INTU: variants seen among roughly 807,000 people sequenced by gnomAD.
INTU encodes the protein inturned planar cell polarity protein, also known as protein inturned.
A neutral mutation model predicts 100.5 loss-of-function variants in INTU; 68 were observed. The observed-to-expected ratio is 0.68, with a 90% confidence interval of 0.56 to 0.83. The LOEUF (loss-of-function observed/expected upper bound fraction) is 0.83, where lower values mean the gene tolerates loss of function less well. INTU is among the 40% of genes least tolerant of loss of function. The pLI, the probability that INTU is intolerant of heterozygous loss-of-function variation, is 0.00. For synonymous variants in INTU, 357 were observed against 395.7 expected (o/e 0.90, Z 1.16); for missense variants, 1,071 against 1,114.7 (o/e 0.96, Z 0.56).
intron 3 of INTU, among the ~76,000 whole-genome samples, chr4:127,661,568 G>A (rs1461685494): frequency 1.3e-5 from 2 of 151,974 alleles, no homozygotes; most frequent in Non-Finnish European, 2.9e-5. Flanking sequence ...TGCTCCCTCT[G>A]ATTTGATTTC....
rs936582641 is a variant in INTU, at chr4:127,719,019, A to G, written c.*2583A>G. On this transcript the variant is annotated 3_prime_UTR_variant, in exon 16 of 16. Coordinates refer to ENST00000335251, the MANE Select transcript of INTU (RefSeq NM_015693.4). ...TGCCCTGGCCAGGACTTCCAATACT[A>G]TGTTGAATAGTGGTGAGAGAGGTCA... 3 of 152,164 alleles carry G rather than the reference A, an allele frequency of 2.0e-5. No individual in the cohort carries two copies. The highest frequency in any genetic ancestry group is 2.9e-5 in the Non-Finnish European group (2 of 68,014). 9.4% of individuals were successfully genotyped at this position (152,164 alleles called of 1,614,324 possible). A position where few individuals can be genotyped will look rare whatever the true frequency, so the allele number is the denominator to read the frequency against.
chr4:127,666,074 T>A (rs1728683842), intron 4 of INTU, among the ~76,000 whole-genome samples: 1 of 152,200 alleles, frequency 6.6e-6, no homozygotes, highest in Non-Finnish European at 1.5e-5. Context: ...TTTGTTCAGC[T>A]TTTAGTATTC....
chr4:127,648,164 C>A (rs1727673975), intron 2 of INTU, among the ~76,000 whole-genome samples: 1 of 152,110 alleles, frequency 6.6e-6, no homozygotes, highest in Non-Finnish European at 1.5e-5. Flanking sequence ...TCCCTTTTAG[C>A]CTTTGAAATG....
intron 1 of INTU, among the ~76,000 whole-genome samples, chr4:127,637,059 C>T (rs1338070825): frequency 6.6e-6 from 1 of 152,162 alleles, no homozygotes; most frequent in Non-Finnish European, 1.5e-5. Context: ...TCATTATCTC[C>T]TTACTCTTGT....
chr4:127,716,319 C>T lies in INTU; in HGVS notation c.2718-6C>T. ...TCTGAAATGAGTGTGTTCTTTTCTT[C>T]TGCAGGAGACTTTTTCTTCATCCAA... On this transcript the variant is annotated splice_polypyrimidine_tract_variant and splice_region_variant and intron_variant, in intron 15 of 15. Coordinates refer to ENST00000335251, the MANE Select transcript of INTU (RefSeq NM_015693.4). 1 of 1,422,364 alleles carries T rather than the reference C, an allele frequency of 7.0e-7. No homozygotes were observed. Among genetic ancestry groups the T allele is most frequent in the East Asian group, 2.4e-5 (1 of 42,286 alleles). 88.1% of individuals were successfully genotyped at this position (1,422,364 alleles called of 1,614,324 possible).
chr4:127,662,202 T>G (rs1728507028), intron 3 of INTU, among the ~76,000 whole-genome samples: 1 of 152,184 alleles, frequency 6.6e-6, no homozygotes, highest in Non-Finnish European at 1.5e-5. Context: ...ATGCGTAGTT[T>G]GCAACTATTT....
intron 2 of INTU, 64 bp from the exon 3 acceptor site, chr4:127,656,572 A>C (rs1233185712): frequency 1.7e-6 from 2 of 1,189,714 alleles, no homozygotes; most frequent in East Asian, 2.4e-5. Flanking sequence ...TAATGTTCCA[A>C]TTCTAGACCT....
intron 1 of INTU, among the ~76,000 whole-genome samples, chr4:127,635,926 A>G (rs2126169813): frequency 6.6e-6 from 1 of 152,146 alleles, no homozygotes; most frequent in Admixed American, 6.5e-5. Flanking sequence ...GCCTTCTTTT[A>G]TTCAGCATAA....
At chr4:127,642,428 A>T (rs931668953) in intron 1 of INTU, among the ~76,000 whole-genome samples, 4 of 152,184 alleles carry the variant, frequency 2.6e-5, no homozygotes, top group African/African-American at 9.7e-5. Flanking sequence ...TGAGTAATAG[A>T]ATAGTATATT....
intron 15 of INTU, among the ~76,000 whole-genome samples, chr4:127,715,952 T>C (rs1731249584): frequency 6.6e-6 from 1 of 152,308 alleles, no homozygotes; most frequent in South Asian, 2.1e-4. Context: ...ATATATTTAA[T>C]GTTTTAATAA....
intron 10 of INTU, among the ~76,000 whole-genome samples, chr4:127,704,677 T>A (rs2148730271): frequency 6.6e-6 from 1 of 152,346 alleles, no homozygotes; most frequent in East Asian, 1.9e-4. Flanking sequence ...TTCTAAAGCA[T>A]GTATAAAGTA....
chr4:127,664,463 A>G (rs1728608803), intron 4 of INTU, among the ~76,000 whole-genome samples: 1 of 151,906 alleles, frequency 6.6e-6, no homozygotes. Flanking sequence ...AGATATAGAA[A>G]TCTCCCCCTC....
intron 3 of INTU, among the ~76,000 whole-genome samples, chr4:127,657,486 G>A (rs1193801786): frequency 6.6e-6 from 1 of 151,964 alleles, no homozygotes; most frequent in Admixed American, 6.6e-5. Flanking sequence ...GACTGGTAGT[G>A]GTTCGTGGCC....
intron 8 of INTU, among the ~76,000 whole-genome samples, chr4:127,691,044 T>C (rs904246624): frequency 3.9e-5 from 6 of 152,112 alleles, no homozygotes; most frequent in African/African-American, 1.4e-4. Context: ...TGGAAACAAA[T>C]GATCTTTTCA....
At chr4:127,711,911 T>C (rs1314423074) in intron 14 of INTU, among the ~76,000 whole-genome samples, 1 of 152,196 alleles carries the variant, frequency 6.6e-6, no homozygotes, top group Non-Finnish European at 1.5e-5. Context: ...TGAAGTTTCA[T>C]TGAATGTTGT....
At chr4:127,679,231 C>T (rs1393371287) in intron 6 of INTU, among the ~76,000 whole-genome samples, 2 of 152,136 alleles carry the variant, frequency 1.3e-5, no homozygotes, top group African/African-American at 4.8e-5. Context: ...AGGAATTGAA[C>T]TCAGCTCTGC....
At chr4:127,699,987 C>T (rs1730574725) in intron 8 of INTU, 23 bp from the exon 9 acceptor site, 1 of 1,498,720 alleles carries the variant, frequency 6.7e-7, no homozygotes, top group Non-Finnish European at 9.0e-7. Flanking sequence ...GTTTATGTTA[C>T]TCTTTTTTTT....
At position 127,717,942 on chromosome 4, in the gene INTU, G is replaced by C. The variant is rs547647543; in HGVS notation, c.*1506G>C. On this transcript the variant is annotated 3_prime_UTR_variant, in exon 16 of 16. Transcript: ENST00000335251. ...TTTTCTCCCACTCTGTAGGTTGCCT[G>C]TTCACTCTGATGATAGTTTCTTTTG... 6.6e-6 allele frequency: 1 copy of C among 152,178 alleles called. No homozygotes were observed. The highest frequency in any genetic ancestry group is 2.1e-4 in the South Asian group (1 of 4,818). 9.4% of individuals were successfully genotyped at this position (152,178 alleles called of 1,614,324 possible).
At position 127,658,846 on chromosome 4, in the gene INTU, T is replaced by C. The variant is rs368726195; in HGVS notation, c.768+2125T>C. ...AGAGGAGTCAAGTATACATTTATTG[T>C]ATGCACGATTTCTATTAGTATGAAA... On this transcript the variant is annotated intron_variant, in intron 3 of 15. Transcript: ENST00000335251. 1.7e-3 allele frequency among the ~76,000 whole-genome samples: 254 copies of C among 152,264 alleles called. 1 individual carries two copies. Among genetic ancestry groups the C allele is most frequent in the Middle Eastern group, 3.4e-3 (1 of 294 alleles).
Sources: allele counts gnomAD v4.1 joint callset (sites outside exome capture counted in the v4.1 genomes callset), GRCh38; gene constraint gnomAD v4.1.1; transcripts MANE v1.5; gene names NCBI Gene and HGNC (gene_info 2026-07-23, HGNC 2026-07-21).